Variants in FAM135B observed in about 807,000 individuals in gnomAD.
FAM135B encodes protein FAM135B.
A neutral mutation model predicts 127.7 loss-of-function variants in FAM135B; 43 were observed. That is an observed-to-expected ratio of 0.34 (90% CI 0.26 to 0.43). The LOEUF is 0.43. Among genes scored for constraint, FAM135B ranks in the 20% least tolerant of loss-of-function variants. The pLI is 1.00. For synonymous variants in FAM135B, 670 were observed against 665.1 expected (o/e 1.01, Z -0.11); for missense variants, 1,558 against 1,725.6 (o/e 0.90, Z 1.72).
At chr8:138,287,726 C>T (rs974510778) in intron 3 of FAM135B, among the ~76,000 whole-genome samples, 17 of 152,154 alleles carry the variant, frequency 1.1e-4, no homozygotes, top group Non-Finnish European at 2.1e-4. Context: ...GAAATGAAGT[C>T]ACTAAAGGAG....
At chr8:138,237,708 C>T (rs4909763) in intron 7 of FAM135B, among the ~76,000 whole-genome samples, 43,150 of 152,010 alleles carry the variant, frequency 0.28, 6,558 homozygotes, top group African/African-American at 0.37. Context: ...TAGAAAAAGA[C>T]TGACTTTCCC....
intron 1 of FAM135B, among the ~76,000 whole-genome samples, chr8:138,425,034 T>C (rs1179392493): frequency 9.8e-5 from 15 of 152,304 alleles, no homozygotes; most frequent in African/African-American, 3.1e-4. Flanking sequence ...TGTCACAAAT[T>C]CATCCCAAAG....
chr8:138,438,051 G>A (rs566325952), intron 1 of FAM135B: 2 of 152,194 alleles, frequency 1.3e-5, no homozygotes, highest in Admixed American at 6.5e-5. Flanking sequence ...AAACACCCGA[G>A]AGTACAAAAA....
intron 1 of FAM135B, among the ~76,000 whole-genome samples, chr8:138,456,732 T>C (rs1248972985): frequency 6.6e-6 from 1 of 152,200 alleles, no homozygotes. Context: ...CCCTTGATCC[T>C]CTTTAGAAGC....
chr8:138,276,159 G>T (rs567952041), intron 3 of FAM135B, among the ~76,000 whole-genome samples: 1 of 152,150 alleles, frequency 6.6e-6, no homozygotes, highest in African/African-American at 2.4e-5. Flanking sequence ...CCTGAAACCC[G>T]TCCTGCTAAT....
chr8:138,482,618 C>T (rs1385625212), intron 1 of FAM135B, among the ~76,000 whole-genome samples: 2 of 151,960 alleles, frequency 1.3e-5, no homozygotes, highest in East Asian at 1.9e-4. Flanking sequence ...ATATAGTATG[C>T]CAGTCACTGT....
intron 7 of FAM135B, among the ~76,000 whole-genome samples, chr8:138,216,252 CTT>C (rs1818535991): frequency 6.6e-6 from 1 of 152,144 alleles, no homozygotes; most frequent in Non-Finnish European, 1.5e-5. Context: ...ACCAATAAGA[CTT>C]AGAACCGTTG....
chr8:138,188,203 A>G (rs1272614511), intron 9 of FAM135B, among the ~76,000 whole-genome samples: 1 of 152,176 alleles, frequency 6.6e-6, no homozygotes, highest in Non-Finnish European at 1.5e-5. Context: ...ATCATAGAAC[A>G]GGTATAGTAA....
rs1334246464 is a variant in FAM135B at position 138,405,990 on chromosome 8, C to T, written c.-19-37988G>A. Reference sequence around the variant, plus strand: ...TGATGATGAGCATTTTTTCATGTGTCTTTTGGCTGCATAAATGTCTTCTTT... The same window carrying T: ...TGATGATGAGCATTTTTTCATGTGTTTTTTGGCTGCATAAATGTCTTCTTT... On this transcript the variant is annotated intron_variant, in intron 1 of 19. Transcript: ENST00000395297. Among the ~76,000 whole-genome samples the T allele has an allele frequency of 2.6e-5, 4 of 151,542 alleles. No individual in the cohort carries two copies. The South Asian group carries it at 8.3e-4, about 32-fold the overall frequency.
chr8:138,251,366 CCA>C (rs1821683971), intron 5 of FAM135B, among the ~76,000 whole-genome samples: 1 of 152,144 alleles, frequency 6.6e-6, no homozygotes, highest in Non-Finnish European at 1.5e-5. Flanking sequence ...CTTTATCTCC[CCA>C]ACAGATGCCC....
At chr8:138,234,157 A>G (rs1304629623) in intron 7 of FAM135B, among the ~76,000 whole-genome samples, 1 of 152,196 alleles carries the variant, frequency 6.6e-6, no homozygotes, top group Non-Finnish European at 1.5e-5. Flanking sequence ...ACTCAAATGA[A>G]TTAAACTTGT....
intron 2 of FAM135B, among the ~76,000 whole-genome samples, chr8:138,347,347 C>T (rs16908882): frequency 1.3e-5 from 2 of 152,148 alleles, no homozygotes; most frequent in Non-Finnish European, 2.9e-5. Flanking sequence ...ATGAGCCTGT[C>T]ATTGGCTGAG....
At position 138,272,667 on chromosome 8, in the gene FAM135B, T is replaced by C. The variant is rs1203776545; in HGVS notation, c.158-6825A>G. ...GATAACACTTTATTATCTAATAACA[T>C]GTATTGCTCTATAATCTCAAAAGTA... is the stretch of plus-strand genomic sequence containing the variant. On this transcript the variant is annotated intron_variant, in intron 3 of 19. Coordinates refer to ENST00000395297, the MANE Select transcript of FAM135B (RefSeq NM_015912.4). Among the ~76,000 whole-genome samples, 5 of 152,350 alleles carry C rather than the reference T, an allele frequency of 3.3e-5. No individual in the cohort carries two copies. In the East Asian group the frequency reaches 9.6e-4, roughly 29 times the overall value.
chr8:138,445,123 T>C (rs1836047568), intron 1 of FAM135B, among the ~76,000 whole-genome samples: 1 of 152,164 alleles, frequency 6.6e-6, no homozygotes, highest in South Asian at 2.1e-4. Context: ...AATCTCTGAA[T>C]AGATCAATAA....
rs1437487923 is a variant in FAM135B, at chr8:138,137,845, G to A, written c.3902-585C>T. Among the ~76,000 whole-genome samples, 2 of 152,096 alleles carry A rather than the reference G, an allele frequency of 1.3e-5. 1 individual carries two copies. Among genetic ancestry groups the A allele is most frequent in the Admixed American group, 1.3e-4 (2 of 15,264 alleles). ...TTAAACATCACAGTGTATCCCTGCA[G>A]GCCTCAGAGCCCATCGTGAACTTCC... On this transcript the variant is annotated intron_variant, in intron 18 of 19. Coordinates refer to ENST00000395297, the MANE Select transcript of FAM135B (RefSeq NM_015912.4).
chr8:138,318,939 T>C (rs1378570037), intron 2 of FAM135B, among the ~76,000 whole-genome samples: 3 of 152,182 alleles, frequency 2.0e-5, no homozygotes, highest in Non-Finnish European at 2.9e-5. Flanking sequence ...ACAAACCACA[T>C]ATTCATATAT....
chr8:138,348,796 C>T (rs1258165400), intron 2 of FAM135B, among the ~76,000 whole-genome samples: 2 of 152,232 alleles, frequency 1.3e-5, no homozygotes, highest in Non-Finnish European at 2.9e-5. Flanking sequence ...ATTGTGCTTG[C>T]ACAGCTCTGA....
At chr8:138,326,660 G>A (rs1253418076) in intron 2 of FAM135B, among the ~76,000 whole-genome samples, 1 of 152,144 alleles carries the variant, frequency 6.6e-6, no homozygotes, top group Admixed American at 6.5e-5. Context: ...CATGCAGAAG[G>A]ATCAAAGGCA....
intron 12 of FAM135B, among the ~76,000 whole-genome samples, chr8:138,160,061 G>T (rs1051951967): frequency 6.6e-6 from 1 of 151,624 alleles, no homozygotes; most frequent in Non-Finnish European, 1.5e-5. Context: ...ATTAACCCCC[G>T]ATAAACACTC....
Sources: gnomAD v4.1 joint callset for allele counts (sites outside exome capture counted in the v4.1 genomes callset) on GRCh38, gnomAD v4.1.1 for gene constraint, MANE v1.5 for transcripts, NCBI Gene and HGNC (gene_info 2026-07-23, HGNC 2026-07-21) for gene names.